RAB7A: variants seen among roughly 807,000 people sequenced by gnomAD.
RAB7A encodes the protein RAB7A, member RAS oncogene family, also known as ras-related protein Rab-7a.
RAB7A carries 2 observed loss-of-function variants against 24.5 expected under a neutral mutation model. The observed-to-expected ratio is 0.08, with a 90% CI of 0.03 to 0.26. The LOEUF (loss-of-function observed/expected upper bound fraction) is 0.26. Among genes scored for constraint, RAB7A ranks in the 10% least tolerant of loss-of-function variants. The pLI is 1.00. For missense variants in RAB7A, 118 were observed against 255.7 expected (o/e 0.46, Z 3.67); for synonymous variants, 100 against 95.9 (o/e 1.04, Z -0.25).
intron 3 of RAB7A, among the ~76,000 whole-genome samples, chr3:128,802,776 G>A (rs557138319): frequency 6.7e-6 from 1 of 149,642 alleles, no homozygotes; most frequent in Admixed American, 6.7e-5. Context: ...CACGGCGCTG[G>A]GATTACAGGC....
At chr3:128,765,635 T>C (rs1479305020) in intron 1 of RAB7A, among the ~76,000 whole-genome samples, 1 of 152,202 alleles carries the variant, frequency 6.6e-6, no homozygotes, top group Non-Finnish European at 1.5e-5. Context: ...GTCTTTTATG[T>C]GTCCTCACAT....
At chr3:128,795,466 G>A in intron 2 of RAB7A, 46 bp downstream of exon 2, 1 of 1,550,262 alleles carries the variant, frequency 6.5e-7, no homozygotes, top group Non-Finnish European at 8.9e-7. Context: ...TTAGAGCTAA[G>A]CCTCTCTGCT....
At chr3:128,737,857 T>A (rs1204468821) in intron 1 of RAB7A, among the ~76,000 whole-genome samples, 2 of 129,750 alleles carry the variant, frequency 1.5e-5, no homozygotes, top group East Asian at 4.2e-4. Flanking sequence ...TTTTTTTTTT[T>A]AAGAGATAGA....
At chr3:128,754,696 A>G (rs1439705011) in intron 1 of RAB7A, among the ~76,000 whole-genome samples, 1 of 152,224 alleles carries the variant, frequency 6.6e-6, no homozygotes. Context: ...ATTTAATGTG[A>G]CAGGATGGAA....
At chr3:128,760,443 G>A (rs1414564496) in intron 1 of RAB7A, among the ~76,000 whole-genome samples, 1 of 152,174 alleles carries the variant, frequency 6.6e-6, no homozygotes, top group African/African-American at 2.4e-5. Context: ...AGCAATAATG[G>A]AGTCACTTTT....
chr3:128,730,706 A>G (rs868674342), intron 1 of RAB7A, among the ~76,000 whole-genome samples: 4 of 152,248 alleles, frequency 2.6e-5, no homozygotes, highest in African/African-American at 7.2e-5. Context: ...GCTACTTGCA[A>G]AATATCTCCT....
chr3:128,746,590 G>A (rs1576273844), intron 1 of RAB7A, among the ~76,000 whole-genome samples: 3 of 151,674 alleles, frequency 2.0e-5, no homozygotes, highest in Admixed American at 6.6e-5. Flanking sequence ...GTGCAGTGGC[G>A]CAATCTTGGC....
chr3:128,806,618 C>T lies in RAB7A; in HGVS notation c.399+28C>T, dbSNP rs757428179. On this transcript the variant is annotated intron_variant, in intron 4 of 5. Coordinates refer to ENST00000265062, the MANE Select transcript of RAB7A (RefSeq NM_004637.6). Reference sequence around the variant, plus strand: ...AAGTACCAACGATGATAGATATTGTCACAGACACCTGCTCCCCAGGGGCCT... The same window carrying T: ...AAGTACCAACGATGATAGATATTGTTACAGACACCTGCTCCCCAGGGGCCT... 3.8e-6 allele frequency: 6 copies of T among 1,589,116 alleles called. No individual in the cohort carries two copies. The African/African-American group carries it at 4.0e-5, about 11-fold the overall frequency.
At chr3:128,786,373 T>C (rs1470186321) in intron 1 of RAB7A, among the ~76,000 whole-genome samples, 5 of 152,172 alleles carry the variant, frequency 3.3e-5, no homozygotes, top group Non-Finnish European at 5.9e-5. Context: ...AGTAGTATTA[T>C]GTGACTTTCG....
chr3:128,741,147 A>G (rs2070549617), intron 1 of RAB7A, among the ~76,000 whole-genome samples: 1 of 152,100 alleles, frequency 6.6e-6, no homozygotes, highest in Non-Finnish European at 1.5e-5. Context: ...TCTAAAGCCC[A>G]TGTGAGGTTC....
rs569273036 is a variant in RAB7A, at chr3:128,764,928, G to A, written c.-8-30432G>A. The A allele has an allele frequency of 6.8e-4, 1,090 of 1,591,334 alleles. 3 individuals carry two copies. Among genetic ancestry groups the A allele is most frequent in the African/African-American group, 1.1e-3 (83 of 74,844 alleles). ...ACACGGACAGGTAAACGTAGGAGGC[G>A]TAGAGCTCCAGGTTGATCTGGCCGT... On this transcript the variant is annotated intron_variant, in intron 1 of 5. Coordinates refer to ENST00000265062, the MANE Select transcript of RAB7A (RefSeq NM_004637.6).
intron 3 of RAB7A, among the ~76,000 whole-genome samples, chr3:128,804,410 A>G (rs903041359): frequency 6.6e-6 from 1 of 152,222 alleles, no homozygotes; most frequent in Non-Finnish European, 1.5e-5. Context: ...GCATAAGCTA[A>G]TACACTTTCA....
rs761702262 is a variant in RAB7A, at chr3:128,813,441, GCA to G, written c.*22_*23del. 9 of 1,608,346 alleles carry G rather than the reference GCA, an allele frequency of 5.6e-6. No homozygotes were observed. The East Asian group carries it at 1.8e-4, about 32-fold the overall frequency. On this transcript the variant is annotated 3_prime_UTR_variant, in exon 6 of 6. Coordinates refer to ENST00000265062, the MANE Select transcript of RAB7A (RefSeq NM_004637.6). ...TTGCTGAGGGGGCAGTGAGAGTTGA[GCA>G]CAGAGTCCTTCACAAACCAAGAACA...
intron 1 of RAB7A, among the ~76,000 whole-genome samples, chr3:128,735,493 G>A (rs1425629224): frequency 6.6e-6 from 1 of 152,204 alleles, no homozygotes; most frequent in African/African-American, 2.4e-5. Context: ...CCCCAGTTAT[G>A]GGTGAGGAAT....
chr3:128,810,454 C>T (rs944207695), intron 5 of RAB7A, among the ~76,000 whole-genome samples: 7 of 152,170 alleles, frequency 4.6e-5, no homozygotes, highest in Non-Finnish European at 1.0e-4. Context: ...GGTCCAACAA[C>T]AGACATTTTG....
intron 3 of RAB7A, chr3:128,799,136 G>A (rs1395941849): frequency 6.5e-6 from 1 of 153,500 alleles, no homozygotes; most frequent in African/African-American, 2.4e-5. Flanking sequence ...ACCAGACCAT[G>A]ACTTGGGAGC....
chr3:128,807,771 C>A (rs1455363431), intron 5 of RAB7A, 100 bp downstream of exon 5: 3 of 1,536,266 alleles, frequency 2.0e-6, no homozygotes, highest in African/African-American at 2.7e-5. Flanking sequence ...CTAACCCACT[C>A]TTTTCTGTAT....
At chr3:128,811,572 G>T (rs1390885010) in intron 5 of RAB7A, among the ~76,000 whole-genome samples, 2 of 152,192 alleles carry the variant, frequency 1.3e-5, no homozygotes, top group Admixed American at 1.3e-4. Context: ...TGTCCAGCCC[G>T]GATGCAGTGG....
chr3:128,795,153 C>G (rs1030282168), intron 1 of RAB7A: 13 of 615,284 alleles, frequency 2.1e-5, no homozygotes, highest in Non-Finnish European at 3.6e-5. Flanking sequence ...CAGGATGGCC[C>G]TGCTGTGCTG....
Sources: allele counts gnomAD v4.1 joint callset (sites outside exome capture counted in the v4.1 genomes callset), GRCh38; gene constraint gnomAD v4.1.1; transcripts MANE v1.5; gene names NCBI Gene and HGNC (gene_info 2026-07-23, HGNC 2026-07-21).